The following GLB1 variants were observed in gnomAD, a reference collection of about 807,000 sequenced individuals.
GLB1 encodes beta-galactosidase.
Under a neutral mutation model 74.0 loss-of-function variants are expected in GLB1, and 56 were observed. The ratio of observed to expected loss-of-function variants is 0.76; its 90% CI spans 0.61 to 0.94. GLB1 has a LOEUF of 0.94. GLB1 is among the 40% of genes least tolerant of loss of function. GLB1 has a pLI of 0.00. For missense variants in GLB1, 787 were observed against 845.5 expected (o/e 0.93, Z 0.86); for synonymous variants, 323 against 323.6 (o/e 1.00, Z 0.02).
At chr3:32,993,557 G>A (rs575007671), downstream of GLB1, among the ~76,000 whole-genome samples, 21 of 110,104 alleles carry the variant, frequency 1.9e-4, no homozygotes, top group African/African-American at 6.2e-4. Context: ...TTTTTGAGAC[G>A]GTGTCTCACT....
At chr3:32,972,605 C>T in the GLB1 span, among the ~76,000 whole-genome samples, 1 of 152,130 alleles carries the variant, frequency 6.6e-6, no homozygotes, top group Admixed American at 6.5e-5. Context: ...GCAATAGTAG[C>T]CTGACACACT....
the GLB1 span, among the ~76,000 whole-genome samples, chr3:32,971,064 C>A: frequency 2.0e-5 from 3 of 152,190 alleles, no homozygotes; most frequent in Non-Finnish European, 4.4e-5. Context: ...AACATCTGTA[C>A]GGAGAACCAC....
At chr3:33,086,966 G>T (rs1224428135) in intron 1 of GLB1, among the ~76,000 whole-genome samples, 2 of 138,654 alleles carry the variant, frequency 1.4e-5, no homozygotes, top group African/African-American at 2.7e-5. Context: ...AAACAAAAGA[G>T]AATAGAAAGA....
At position 33,097,005 on chromosome 3, in the gene GLB1, A is replaced by C; in HGVS notation, c.75+6T>G. 1 of 1,611,506 alleles carries C rather than the reference A, an allele frequency of 6.2e-7. No individual in the cohort carries two copies. Among genetic ancestry groups the C allele is most frequent in the Non-Finnish European group, 8.5e-7 (1 of 1,178,676 alleles). On this transcript the variant is annotated splice_donor_region_variant and intron_variant, in intron 1 of 15. Transcript: ENST00000307363. ...GCCTCCCCGTACCCGGGTCCCGCAG[A>C]CTTACGCGCAAGCCGCGCGTAGGGC...
At chr3:32,987,858 G>C in the GLB1 span, among the ~76,000 whole-genome samples, 6 of 152,130 alleles carry the variant, frequency 3.9e-5, no homozygotes, top group African/African-American at 1.4e-4. Context: ...TTTTTGCAGA[G>C]AATATTGGAG....
At chr3:33,094,342 G>C (rs929283683) in intron 1 of GLB1, 4 of 1,452,602 alleles carry the variant, frequency 2.8e-6, no homozygotes, top group South Asian at 1.5e-5. Flanking sequence ...TGGGATATTA[G>C]AGTGTCCTTG....
chr3:32,989,867 C>T, the GLB1 span, among the ~76,000 whole-genome samples: 1 of 152,114 alleles, frequency 6.6e-6, no homozygotes, highest in African/African-American at 2.4e-5. Context: ...GCATGCCACC[C>T]GCCCTATTTC....
At chr3:33,074,239 G>A (rs767742320) in intron 1 of GLB1, among the ~76,000 whole-genome samples, 2 of 150,294 alleles carry the variant, frequency 1.3e-5, no homozygotes, top group Non-Finnish European at 3.0e-5. Context: ...GAACCGGAGA[G>A]GTGGAGGTTG....
intron 3 of GLB1, 70 bp from the exon 4 acceptor site, chr3:33,068,360 T>A: frequency 6.3e-7 from 1 of 1,588,692 alleles, no homozygotes; most frequent in South Asian, 1.1e-5. Context: ...TAGAAATTAC[T>A]ATTAGTAGTT....
chr3:33,034,098 A>G (rs1575432009), intron 10 of GLB1: 1 of 580,530 alleles, frequency 1.7e-6, no homozygotes, highest in South Asian at 1.6e-5. Context: ...TTGTGCTCCT[A>G]TGATTGGAAA....
intron 10 of GLB1, among the ~76,000 whole-genome samples, chr3:33,043,161 T>A (rs1254232674): frequency 6.6e-6 from 1 of 152,182 alleles, no homozygotes; most frequent in Non-Finnish European, 1.5e-5. Context: ...TTGATTAATT[T>A]TAAACTATTA....
At chr3:33,045,933 C>CATCT in intron 10 of GLB1, 187 bp downstream of exon 10, 2 of 919,410 alleles carry the variant, frequency 2.2e-6, no homozygotes, top group Non-Finnish European at 1.6e-6. Flanking sequence ...CTCCTATAAG[C>CATCT]ATCTGCTCAT....
chr3:33,070,462 C>G (rs568342643), intron 2 of GLB1, among the ~76,000 whole-genome samples: 20 of 152,276 alleles, frequency 1.3e-4, no homozygotes, highest in Admixed American at 4.6e-4. Flanking sequence ...AGCAGCTCCC[C>G]AAGCTAGTCA....
intron 10 of GLB1, among the ~76,000 whole-genome samples, chr3:33,038,471 T>C (rs1698376492): frequency 6.6e-6 from 1 of 152,224 alleles, no homozygotes; most frequent in Admixed American, 6.5e-5. Context: ...CAAGATGTTT[T>C]AAAATATCTT....
At chr3:33,012,383 G>C (rs1697063845) in intron 15 of GLB1, among the ~76,000 whole-genome samples, 1 of 152,124 alleles carries the variant, frequency 6.6e-6, no homozygotes, top group Admixed American at 6.5e-5. Flanking sequence ...GAGGTGATTA[G>C]GTCATGAAGG....
chr3:32,979,819 T>C, the GLB1 span, among the ~76,000 whole-genome samples: 2 of 130,920 alleles, frequency 1.5e-5, no homozygotes, highest in African/African-American at 6.1e-5. Flanking sequence ...GCCACTGCAC[T>C]CCAGCCTGGG....
chr3:33,003,699 A>G (rs1021164177), intron 15 of GLB1, among the ~76,000 whole-genome samples: 24 of 152,244 alleles, frequency 1.6e-4, no homozygotes, highest in African/African-American at 5.3e-4. Flanking sequence ...GGGATATTGA[A>G]CAGATGGCCC....
At chr3:33,065,388 C>T in intron 5 of GLB1, 75 bp downstream of exon 5, 1 of 1,520,706 alleles carries the variant, frequency 6.6e-7, no homozygotes, top group Non-Finnish European at 8.9e-7. Context: ...ATGTCTGCAT[C>T]ACTTCTATCA....
intron 15 of GLB1, among the ~76,000 whole-genome samples, chr3:33,002,895 G>A (rs760941654): frequency 3.9e-5 from 6 of 152,072 alleles, no homozygotes; most frequent in Non-Finnish European, 7.4e-5. Context: ...CTCACACACC[G>A]AACTCATGAA....
Sources: gnomAD v4.1 joint callset for allele counts (sites outside exome capture counted in the v4.1 genomes callset) on GRCh38, gnomAD v4.1.1 for gene constraint, MANE v1.5 for transcripts, NCBI Gene and HGNC (gene_info 2026-07-23, HGNC 2026-07-21) for gene names.